The following VPS16 variants were observed in gnomAD, a reference collection of about 807,000 sequenced individuals.
VPS16 encodes vacuolar protein sorting-associated protein 16 homolog.
In VPS16, 82 loss-of-function variants were observed where a neutral mutation model predicts 116.0. That is an observed-to-expected ratio of 0.71 (90% CI 0.59 to 0.85). The LOEUF (loss-of-function observed/expected upper bound fraction) is 0.85, where lower values mean the gene tolerates loss of function less well. Ranked by LOEUF, VPS16 falls within the 40% of genes least tolerant of loss-of-function variation. The pLI is 0.00. For synonymous variants in VPS16, 406 were observed against 420.7 expected (o/e 0.96, Z 0.43); for missense variants, 928 against 1,090.6 (o/e 0.85, Z 2.10).
chr20:2,851,523 A>G (rs143903678), intron 1 of VPS16, among the ~76,000 whole-genome samples: 6,410 of 152,016 alleles, frequency 0.042, 261 homozygotes, highest in Admixed American at 0.11. Flanking sequence ...TTAGCTGGGC[A>G]TGGTGGTGCG....
chr20:2,866,230 A>G lies in VPS16; in HGVS notation c.2290A>G (p.Met764Val), dbSNP rs1333550667. 1.9e-6 allele frequency: 3 copies of G among 1,613,824 alleles called. No homozygotes were observed. Among genetic ancestry groups the G allele is most frequent in the East Asian group, 2.2e-5 (1 of 44,874 alleles). The change falls in exon 23 of 24, where the codon ATG becomes GTG. Residue 764 changes from methionine to valine, a missense_variant. Coordinates refer to ENST00000380445, the MANE Select transcript of VPS16 (RefSeq NM_022575.4). ...IGYLPFVEIC[M>V]KQHNKYEAKK... ...CTCCAAGCCTTTTGTGGAGATCTGC[A>G]TGAAACAACATAACAAATACGAAGC...
At chr20:2,861,379 A>C (rs2089226111) in intron 8 of VPS16, 99 bp downstream of exon 8, 1 of 1,572,536 alleles carries the variant, frequency 6.4e-7, no homozygotes, top group African/African-American at 1.4e-5. Context: ...GGCCAAGCCT[A>C]GTGGAGTTTG....
rs2089216630 is a variant in VPS16 at position 2,860,551 on chromosome 20, A to C, written c.472A>C (p.Asn158His). The C allele has an allele frequency of 6.2e-7, 1 of 1,613,654 alleles. No homozygotes were observed. The highest frequency in any genetic ancestry group is 8.5e-7 in the Non-Finnish European group (1 of 1,180,000). ...GGCCCACCGCTTCACCCTCAGTGCC[A>C]ATGTGGGTGACCTCAAACTCCGCCG... ...TGAHRFTLSA[N>H]VGDLKLRRMP... Residue 158 changes from asparagine to histidine, a missense_variant, in exon 5 of 24, where the codon AAT (asparagine) becomes CAT (histidine). By Grantham distance (68) the Asn-to-His change is moderately conservative. Transcript: ENST00000380445. This position sits in a 1 kb window ranked among gnomAD's most constrained non-coding sequence, Gnocchi z 6.1.
At chr20:2,844,718 C>T (rs1249395746) in intron 1 of VPS16, among the ~76,000 whole-genome samples, 1 of 152,054 alleles carries the variant, frequency 6.6e-6, no homozygotes. Flanking sequence ...GTAATAATAC[C>T]CTATCCAGGG....
Position 2,862,118 on chromosome 20 carries a change from G to A in VPS16, c.1059G>A (p.Gln353=). 6.2e-7 allele frequency: 1 copy of A among 1,613,654 alleles called. No individual in the cohort carries two copies. Among genetic ancestry groups the A allele is most frequent in the Non-Finnish European group, 8.5e-7 (1 of 1,179,866 alleles). Residue 353 remains glutamine (Q), a synonymous_variant, in exon 11 of 24, where the codon CAG becomes CAA. Transcript: ENST00000380445. ...CCGGGGCGCTGCTCCTGGAGGCTCA[G>A]AAGGAGTATGAGGTAAAGCCCTGGG... ...MAPGALLLEA[Q]KEYEKESQKA...
chr20:2,861,838 T>G lies in VPS16; in HGVS notation c.933T>G (p.Pro311=), dbSNP rs761829384. The G allele has an allele frequency of 1.2e-6, 2 of 1,613,942 alleles. No homozygotes were observed. Among genetic ancestry groups the G allele is most frequent in the Non-Finnish European group, 1.7e-6 (2 of 1,179,954 alleles). ...FVLDEDSYLV[P]ELDGVRIFSR... ...TGGATGAGGACTCCTACCTGGTGCC[T>G]GAGCTCGATGGGGTCCGCATCTTCT... The change falls in exon 10 of 24, where the codon CCT becomes CCG. Residue 311 remains proline, a synonymous_variant. Coordinates refer to ENST00000380445, the MANE Select transcript of VPS16 (RefSeq NM_022575.4).
intron 1 of VPS16, among the ~76,000 whole-genome samples, chr20:2,851,499 C>T (rs954929310): frequency 1.8e-4 from 28 of 151,900 alleles, no homozygotes; most frequent in African/African-American, 6.5e-4. Context: ...CCCATCTCTA[C>T]TAAAACTACA....
intron 1 of VPS16, among the ~76,000 whole-genome samples, chr20:2,856,936 A>G (rs532355306): frequency 6.6e-6 from 1 of 150,604 alleles, no homozygotes; most frequent in African/African-American, 2.4e-5. Flanking sequence ...CCTCTTTCAG[A>G]TGATCTTTTT....
Position 2,863,030 on chromosome 20 carries a change from T to G in VPS16, c.1332-35T>G, listed in dbSNP as rs750571563. 4 of 1,614,092 alleles carry G rather than the reference T, an allele frequency of 2.5e-6. No homozygotes were observed. The highest frequency in any genetic ancestry group is 1.6e-4 in the Middle Eastern group (1 of 6,062). On this transcript the variant is annotated intron_variant, in intron 13 of 23. Coordinates refer to ENST00000380445, the MANE Select transcript of VPS16 (RefSeq NM_022575.4). This position sits in a 1 kb window ranked among gnomAD's most constrained non-coding sequence, Gnocchi z 4.4. ...GCAGGTACCTGGCAAGCGGGGCTTA[T>G]TCTCCAACTGGATCCTTAACCGAGG...
Position 2,864,352 on chromosome 20 carries a change from T to A in VPS16, c.1721-13T>A. 1 of 1,614,138 alleles carries A rather than the reference T, an allele frequency of 6.2e-7. No homozygotes were observed. The highest frequency in any genetic ancestry group is 1.1e-5 in the South Asian group (1 of 91,078). On this transcript the variant is annotated splice_polypyrimidine_tract_variant and intron_variant, in intron 17 of 23. Coordinates refer to ENST00000380445, the MANE Select transcript of VPS16 (RefSeq NM_022575.4). This position sits in a 1 kb window ranked among gnomAD's most constrained non-coding sequence, Gnocchi z 5.2. Reference sequence around the variant, plus strand: ...CCTGGCTGGAATTCCCACTCCACCTTACTCTCCTGCAGTGTTCACGGTGTT... The same window carrying A: ...CCTGGCTGGAATTCCCACTCCACCTAACTCTCCTGCAGTGTTCACGGTGTT...
At position 2,845,080 on chromosome 20, in the gene VPS16, T is replaced by C. The variant is rs184483456; in HGVS notation, c.53+4253T>C. Among the ~76,000 whole-genome samples the C allele has an allele frequency of 5.5e-3, 814 of 148,746 alleles. 8 individuals carry two copies. The highest frequency in any genetic ancestry group is 0.02 in the African/African-American group (786 of 39,934). ...TTTGTAGGCAATGCTGGGGAAAAGT[T>C]GGAAGGAACAAGCAAAATGGAAGCA... On this transcript the variant is annotated intron_variant, in intron 1 of 23. Transcript: ENST00000380445.
chr20:2,861,129 G>C (rs1302510210), intron 7 of VPS16, 37 bp downstream of exon 7: 3 of 1,614,224 alleles, frequency 1.9e-6, no homozygotes, highest in Non-Finnish European at 2.5e-6. Flanking sequence ...ACTGTGCCTT[G>C]TCCAGGGTAC....
rs1283574760 is a variant in VPS16, at chr20:2,864,780, ACT to A, written c.1926+129_1926+130del. The A allele has an allele frequency of 3.3e-5, 39 of 1,191,264 alleles. No individual in the cohort carries two copies. The highest frequency in any genetic ancestry group is 2.7e-4 in the Middle Eastern group (1 of 3,702). 73.8% of individuals were successfully genotyped at this position (1,191,264 alleles called of 1,614,324 possible). On this transcript the variant is annotated intron_variant, in intron 19 of 23. Coordinates refer to ENST00000380445, the MANE Select transcript of VPS16 (RefSeq NM_022575.4). This position sits in a 1 kb window ranked among gnomAD's most constrained non-coding sequence, Gnocchi z 5.2. ...CCATCTGGTCCTCACTGTGAGGGAGACTCTGACGTGAGGCCAGGATGGGGGTT... is the reference window on the plus strand; with the variant it reads ...CCATCTGGTCCTCACTGTGAGGGAGACTGACGTGAGGCCAGGATGGGGGTT...
Position 2,859,724 on chromosome 20 carries a change from A to G in VPS16, c.59A>G (p.Tyr20Cys), listed in dbSNP as rs1278017149. ...GCTCATCTCTGTGTGGGCAGGAAAT[A>G]TGAGCTGTACAGCATGGACTGGGAC... Reference protein sequence around the residue: ...PLGDSAFYRKYELYSMDWDLK... With the variant: ...PLGDSAFYRKCELYSMDWDLK... Residue 20 changes from tyrosine (Y) to cysteine (C), a missense_variant, in exon 2 of 24, where the codon TAT becomes TGT. Physicochemically the swap from Tyr to Cys is radical, Grantham distance 194. Coordinates refer to ENST00000380445, the MANE Select transcript of VPS16 (RefSeq NM_022575.4). The G allele has an allele frequency of 6.2e-7, 1 of 1,613,640 alleles. No individual in the cohort carries two copies. The highest frequency in any genetic ancestry group is 8.5e-7 in the Non-Finnish European group (1 of 1,179,858).
In VPS16 at chr20:2,863,316, T is replaced by C. The variant is rs763295493; in HGVS notation, c.1394T>C (p.Leu465Pro). The C allele has an allele frequency of 4.3e-6, 7 of 1,614,056 alleles. No homozygotes were observed. The highest frequency in any genetic ancestry group is 5.9e-6 in the Non-Finnish European group (7 of 1,180,028). ...CTCGTGTTGCGGAGACTTTACCCCC[T>C]GGCCATCCAGATATGCGAGTACTTG... Reference protein sequence around the residue: ...DRLVLRRLYPLAIQICEYLRL... With the variant: ...DRLVLRRLYPPAIQICEYLRL... Residue 465 changes from leucine to proline, a missense_variant, in exon 15 of 24, where the codon CTG becomes CCG. Coordinates refer to ENST00000380445, the MANE Select transcript of VPS16 (RefSeq NM_022575.4). This position sits in a 1 kb window ranked among gnomAD's most constrained non-coding sequence, Gnocchi z 4.4.
chr20:2,865,503 A>G lies in VPS16; in HGVS notation c.2271+8A>G, dbSNP rs1013971394. On this transcript the variant is annotated splice_region_variant and intron_variant, in intron 22 of 23. Transcript: ENST00000380445. This position sits in a 1 kb window ranked among gnomAD's most constrained non-coding sequence, Gnocchi z 5.2. ...TCACCCATTGGCTACCTGGTGAGGC[A>G]GGGTCCTCCCTCCAGCCCACTTCCA... The G allele has an allele frequency of 1.9e-6, 3 of 1,612,480 alleles. No individual in the cohort carries two copies. Among genetic ancestry groups the G allele is most frequent in the African/African-American group, 2.7e-5 (2 of 75,058 alleles).
chr20:2,850,120 G>A (rs548178102), intron 1 of VPS16, among the ~76,000 whole-genome samples: 1 of 152,092 alleles, frequency 6.6e-6, no homozygotes, highest in African/African-American at 2.4e-5. Context: ...TCAGGAGTTC[G>A]AGACCAGCCT....
intron 1 of VPS16, among the ~76,000 whole-genome samples, chr20:2,842,706 A>C (rs7363413): frequency 0.012 from 1,151 of 96,104 alleles, 70 homozygotes; most frequent in African/African-American, 0.034. Flanking sequence ...ATGTATCTAT[A>C]TATAGATAGA....
chr20:2,847,536 T>A (rs1031808108), intron 1 of VPS16, among the ~76,000 whole-genome samples: 2 of 149,358 alleles, frequency 1.3e-5, no homozygotes. Context: ...TGGAGTGCAA[T>A]GGCATGATCT....
Sources: allele counts gnomAD v4.1 joint callset (sites outside exome capture counted in the v4.1 genomes callset), GRCh38; gene constraint gnomAD v4.1.1; non-coding constraint Gnocchi (gnomAD v3.1); transcripts MANE v1.5; gene names NCBI Gene and HGNC (gene_info 2026-07-23, HGNC 2026-07-21).